Variants in RGS6 observed in about 807,000 individuals in gnomAD.
The protein encoded by RGS6 is regulator of G-protein signaling 6.
In RGS6, 30 loss-of-function variants were observed where a neutral mutation model predicts 78.5. That is an observed-to-expected ratio of 0.38 (90% confidence interval 0.29 to 0.52). RGS6 has a LOEUF of 0.52. RGS6 is among the 20% of genes least tolerant of loss of function. The pLI, the probability that RGS6 is intolerant of heterozygous loss-of-function variation, is 0.85. For missense variants in RGS6, 495 were observed against 609.7 expected, an observed-to-expected ratio of 0.81 and a Z score of 1.98; for synonymous variants, 206 against 206.0, an observed-to-expected ratio of 1.00 and a Z score of 0.00.
intron 3 of RGS6, among the ~76,000 whole-genome samples, chr14:72,395,290 C>A (rs2090950896): frequency 6.6e-6 from 1 of 152,100 alleles, no homozygotes; most frequent in Admixed American, 6.6e-5. Context: ...GACTTCATTT[C>A]ATACTCTTTC....
At chr14:72,330,615 C>T (rs1289251599) in intron 2 of RGS6, among the ~76,000 whole-genome samples, 2 of 152,184 alleles carry the variant, frequency 1.3e-5, no homozygotes, top group Admixed American at 6.5e-5. Context: ...TTTCATATTA[C>T]CTCTGCAGAG....
intron 3 of RGS6, among the ~76,000 whole-genome samples, chr14:72,415,439 A>C (rs1437510717): frequency 6.6e-6 from 1 of 152,118 alleles, no homozygotes; most frequent in African/African-American, 2.4e-5. Context: ...TCCGTCTGTC[A>C]CCCCTTTCTT....
rs144663241 is a variant in RGS6, at chr14:72,037,809, A to G, written c.84+72934A>G. ...GGGCATATGCATTTGTCAAAACATC[A>G]ATTTACACACTTTAAGTCAGTGAAT... On this transcript the variant is annotated intron_variant, in intron 2 of 17. Coordinates refer to ENST00000553525, the MANE Select transcript of RGS6 (RefSeq NM_001204424.2). 3.6e-3 allele frequency among the ~76,000 whole-genome samples: 544 copies of G among 149,182 alleles called. 3 individuals are homozygous for G. Among genetic ancestry groups the G allele is most frequent in the African/African-American group, 0.013 (525 of 40,220 alleles).
chr14:72,203,531 A>G (rs699364), intron 2 of RGS6, among the ~76,000 whole-genome samples: 150,197 of 152,296 alleles, frequency 0.99, 74,076 homozygotes, highest in East Asian at 1. Context: ...TCAAGCTCAC[A>G]CATGTGGTTG....
At chr14:72,619,171 C>A in the RGS6 span, 1 of 954,500 alleles carries the variant, frequency 1.0e-6, no homozygotes, top group Admixed American at 2.5e-5. Context: ...GTCCCTGCCC[C>A]TCTGGGACTA....
chr14:72,390,519 C>T (rs1166604063), intron 3 of RGS6, among the ~76,000 whole-genome samples: 1 of 152,084 alleles, frequency 6.6e-6, no homozygotes, highest in South Asian at 2.1e-4. Flanking sequence ...AACATTGAGA[C>T]AGTTATGAAA....
At chr14:72,052,963 TTCTTTCTTTCTTTCTTTCTTTCTCTCTC>T (rs1320960698) in intron 2 of RGS6, among the ~76,000 whole-genome samples, 11 of 43,694 alleles carry the variant, frequency 2.5e-4, no homozygotes, top group African/African-American at 1.5e-3. Flanking sequence ...CTTTCTTTCT[TTCTTTCTTTCTTTCTTTCTTTCTCTCTC>T]TCTCTCTCTC....
chr14:71,964,670 T>G, intron 1 of RGS6, 102 bp from the exon 2 acceptor site: 2 of 729,512 alleles, frequency 2.7e-6, no homozygotes, highest in Non-Finnish European at 4.5e-6. Context: ...TATCATGTTT[T>G]TGTTCATGGC....
At chr14:72,529,167 G>A (rs1168974013) in intron 15 of RGS6, among the ~76,000 whole-genome samples, 6 of 152,204 alleles carry the variant, frequency 3.9e-5, no homozygotes, top group African/African-American at 1.4e-4. Context: ...GGGCAGGAAA[G>A]AGTCACAGAT....
chr14:72,288,847 A>C (rs1314876610), intron 2 of RGS6, among the ~76,000 whole-genome samples: 2 of 152,176 alleles, frequency 1.3e-5, no homozygotes, highest in Non-Finnish European at 2.9e-5. Flanking sequence ...CATCTTATGT[A>C]GATTTTTTAA....
intron 2 of RGS6, among the ~76,000 whole-genome samples, chr14:72,172,123 G>A (rs1021834028): frequency 3.3e-5 from 5 of 152,098 alleles, no homozygotes; most frequent in African/African-American, 9.7e-5. Flanking sequence ...CATTGGCAGG[G>A]TGGGGCTTCC....
At chr14:72,375,539 GC>G in intron 3 of RGS6, among the ~76,000 whole-genome samples, 1 of 152,078 alleles carries the variant, frequency 6.6e-6, no homozygotes, top group Non-Finnish European at 1.5e-5. Context: ...TGGCAAGCAT[GC>G]CCCCAGGCCA....
chr14:72,445,367 T>C (rs1293266896), intron 3 of RGS6, among the ~76,000 whole-genome samples: 2 of 152,176 alleles, frequency 1.3e-5, no homozygotes. Flanking sequence ...TTTTTGTATT[T>C]TTAGTAAAGA....
rs142064076 is a variant in RGS6 at position 72,084,351 on chromosome 14, C to G, written c.84+119476C>G. Among the ~76,000 whole-genome samples the G allele has an allele frequency of 4.1e-3, 625 of 152,288 alleles. 4 individuals are homozygous for G. Among genetic ancestry groups the G allele is most frequent in the African/African-American group, 0.014 (572 of 41,546 alleles). ...CCACCGCCCACCTCCTGCTATGCAG[C>G]CCAGTTCCTAACAGGCCACAGACTG... is the stretch of plus-strand genomic sequence containing the variant. On this transcript the variant is annotated intron_variant, in intron 2 of 17. Coordinates refer to ENST00000553525, the MANE Select transcript of RGS6 (RefSeq NM_001204424.2).
At chr14:72,269,757 G>T (rs1567626405) in intron 2 of RGS6, among the ~76,000 whole-genome samples, 1 of 151,756 alleles carries the variant, frequency 6.6e-6, no homozygotes, top group East Asian at 1.9e-4. Context: ...TAGAGTTGGG[G>T]TTTCACCATG....
chr14:72,346,715 C>G (rs2078128461), intron 2 of RGS6, among the ~76,000 whole-genome samples: 1 of 152,220 alleles, frequency 6.6e-6, no homozygotes, highest in Non-Finnish European at 1.5e-5. Flanking sequence ...GGTGAAGCAA[C>G]TTGTCCCAGG....
intron 2 of RGS6, among the ~76,000 whole-genome samples, chr14:72,056,355 A>G (rs2093620819): frequency 6.6e-6 from 1 of 152,108 alleles, no homozygotes; most frequent in Non-Finnish European, 1.5e-5. Context: ...TCTTCTCTAT[A>G]CTTACATTCT....
chr14:72,548,354 T>TGCGC (rs1467640441), intron 17 of RGS6, among the ~76,000 whole-genome samples: 1 of 133,884 alleles, frequency 7.5e-6, no homozygotes, highest in African/African-American at 3.2e-5. Context: ...CGCGCGTGTG[T>TGCGC]GTGTGTGTGT....
At chr14:72,002,654 T>C (rs912584425) in intron 2 of RGS6, among the ~76,000 whole-genome samples, 5 of 152,138 alleles carry the variant, frequency 3.3e-5, no homozygotes, top group African/African-American at 1.2e-4. Context: ...CTAATGACAA[T>C]GATTATGGAG....
Sources: allele counts gnomAD v4.1 joint callset (sites outside exome capture counted in the v4.1 genomes callset), GRCh38; gene constraint gnomAD v4.1.1; transcripts MANE v1.5; gene names NCBI Gene and HGNC (gene_info 2026-07-23, HGNC 2026-07-21).